ATXN7: variants seen among roughly 807,000 people sequenced by gnomAD.
ATXN7 encodes ataxin 7.
ATXN7 carries 12 observed loss-of-function variants against 70.5 expected under a neutral mutation model. The ratio of observed to expected loss-of-function variants is 0.17; its 90% CI spans 0.11 to 0.28. The LOEUF is 0.28. Ranked by LOEUF, ATXN7 falls within the 10% of genes least tolerant of loss-of-function variation. The pLI is 1.00. For missense variants in ATXN7, 1,256 were observed against 1,131.7 expected (o/e 1.11, Z -1.58); for synonymous variants, 498 against 448.7 (o/e 1.11, Z -1.39).
chr3:63,880,833 A>G (rs1702885553), intron 1 of ATXN7, among the ~76,000 whole-genome samples: 1 of 152,202 alleles, frequency 6.6e-6, no homozygotes, highest in South Asian at 2.1e-4. Flanking sequence ...TAAAGGTTTT[A>G]TGGCTTTCTT....
intron 12 of ATXN7, chr3:63,997,616 A>T (rs964645767): frequency 1.9e-6 from 3 of 1,550,810 alleles, no homozygotes; most frequent in Middle Eastern, 1.7e-4. Flanking sequence ...TATTTTATTC[A>T]TCAGGATATC....
At chr3:63,934,166 A>C (rs972610363) in intron 4 of ATXN7, among the ~76,000 whole-genome samples, 9 of 152,148 alleles carry the variant, frequency 5.9e-5, no homozygotes, top group Non-Finnish European at 1.3e-4. Context: ...GGAAGTCTGA[A>C]ACCACCCCCT....
In ATXN7 at chr3:63,935,875, G is replaced by C. The variant is rs189838523; in HGVS notation, c.395-16504G>C. On this transcript the variant is annotated intron_variant, in intron 4 of 12. Transcript: ENST00000674280. ...AGTATACAGCACAAACTAATGTCCA[G>C]ATGCTGGGGATAAACAGATATGTCG... Among the ~76,000 whole-genome samples the C allele has an allele frequency of 1.6e-3, 237 of 152,228 alleles. 3 individuals carry two copies. Among genetic ancestry groups the C allele is most frequent in the African/African-American group, 5.5e-3 (230 of 41,528 alleles).
chr3:63,868,642 G>C (rs1009292350), intron 1 of ATXN7, among the ~76,000 whole-genome samples: 5 of 151,988 alleles, frequency 3.3e-5, no homozygotes, highest in Admixed American at 6.6e-5. Context: ...TGGTTTATTT[G>C]GCAGAGGGGA....
At chr3:63,983,879 C>T (rs994312350) in intron 8 of ATXN7, among the ~76,000 whole-genome samples, 1 of 152,116 alleles carries the variant, frequency 6.6e-6, no homozygotes, top group Admixed American at 6.5e-5. Context: ...AAGAAGCATT[C>T]AGAGTCACTG....
At chr3:63,919,750 C>T (rs1225136730) in intron 4 of ATXN7, among the ~76,000 whole-genome samples, 2 of 101,490 alleles carry the variant, frequency 2.0e-5, no homozygotes, top group Middle Eastern at 0.014. Context: ...TCCCTCCCCC[C>T]TCCCCCCACC....
chr3:63,987,886 G>C (rs1443508319), intron 8 of ATXN7, among the ~76,000 whole-genome samples, 173 bp from the exon 9 acceptor site: 3 of 152,046 alleles, frequency 2.0e-5, no homozygotes, highest in Admixed American at 2.0e-4. Context: ...TTCTAGTCTA[G>C]CTAGGGAGAA....
At chr3:63,943,770 G>T (rs981079883) in intron 4 of ATXN7, among the ~76,000 whole-genome samples, 2 of 152,138 alleles carry the variant, frequency 1.3e-5, no homozygotes, top group African/African-American at 4.8e-5. Context: ...TCCTTCCTCT[G>T]CCTCAGCCTC....
Position 63,983,018 on chromosome 3 carries a change from C to G in ATXN7, c.1092C>G (p.Cys364Trp). The G allele has an allele frequency of 1.9e-6, 3 of 1,613,408 alleles. No homozygotes were observed. Among genetic ancestry groups the G allele is most frequent in the Non-Finnish European group, 2.5e-6 (3 of 1,179,472 alleles). Residue 364 changes from cysteine to tryptophan, a missense_variant, in exon 8 of 13, where the codon TGC (cysteine) becomes TGG (tryptophan). Cys to Trp is a radical substitution (Grantham distance 215). Transcript: ENST00000674280. Reference protein sequence around the residue: ...TKKPCTRSLTCKTHSLTQRRA... With the variant: ...TKKPCTRSLTWKTHSLTQRRA... ...AGCCCTGCACCCGGTCTTTGACATG[C>G]AAGGTAGGTGGACTCCTGAAAGTCA...
chr3:63,949,615 C>G (rs72883989), intron 4 of ATXN7, among the ~76,000 whole-genome samples: 3,797 of 152,218 alleles, frequency 0.025, 159 homozygotes, highest in African/African-American at 0.084. Flanking sequence ...CCATGCTGGT[C>G]TCGAACTCCT....
At chr3:63,939,959 G>T (rs1487132831) in intron 4 of ATXN7, among the ~76,000 whole-genome samples, 1 of 151,786 alleles carries the variant, frequency 6.6e-6, no homozygotes, top group African/African-American at 2.4e-5. Context: ...CTATTCCTAG[G>T]GTGTTAAAAA....
intron 4 of ATXN7, among the ~76,000 whole-genome samples, chr3:63,926,574 T>C (rs867738622): frequency 2.0e-5 from 3 of 151,972 alleles, no homozygotes; most frequent in African/African-American, 2.4e-5. Flanking sequence ...TATGAGTGAG[T>C]TGGGCAGGCA....
chr3:63,938,403 G>A (rs1254643466), intron 4 of ATXN7, among the ~76,000 whole-genome samples: 1 of 152,188 alleles, frequency 6.6e-6, no homozygotes, highest in East Asian at 1.9e-4. Context: ...AAAAGCCTTT[G>A]TAATATTAAG....
rs762305026 is a variant in ATXN7, at chr3:63,996,081, C to T, written c.2259C>T (p.Ser753=). Residue 753 remains serine, a synonymous_variant, in exon 12 of 13, where the codon TCC becomes TCT. Coordinates refer to ENST00000674280, the MANE Select transcript of ATXN7 (RefSeq NM_001377405.1). ...GPPYPSTVTS[S]HSIGLNCVTN... ...CCTACCCCTCAACGGTAACATCTTC[C>T]CATAGCATCGGCCTCAACTGTGTGA... The T allele has an allele frequency of 6.2e-7, 1 of 1,614,210 alleles. No individual in the cohort carries two copies. Among genetic ancestry groups the T allele is most frequent in the Non-Finnish European group, 8.5e-7 (1 of 1,180,040 alleles).
chr3:63,914,834 T>C (rs2107303290), intron 4 of ATXN7, among the ~76,000 whole-genome samples: 1 of 152,356 alleles, frequency 6.6e-6, no homozygotes, highest in South Asian at 2.1e-4. Context: ...TCTGTTGGGA[T>C]ACTTTTATCA....
upstream of ATXN7, chr3:63,863,818 G>A (rs1251857632): frequency 5.9e-6 from 7 of 1,178,220 alleles, no homozygotes; most frequent in Non-Finnish European, 7.4e-6. Flanking sequence ...CGGCGGCGGC[G>A]GCGGCGCAAG....
chr3:63,949,093 G>C (rs1430603969), intron 4 of ATXN7, among the ~76,000 whole-genome samples: 2 of 152,036 alleles, frequency 1.3e-5, no homozygotes, highest in Non-Finnish European at 2.9e-5. Context: ...TTAATTTGCA[G>C]ACGGGTTGAT....
At chr3:63,880,537 C>T (rs1702879100) in intron 1 of ATXN7, among the ~76,000 whole-genome samples, 1 of 152,176 alleles carries the variant, frequency 6.6e-6, no homozygotes. Flanking sequence ...GTCCTCTGAT[C>T]TGGCCCTGCC....
intron 4 of ATXN7, among the ~76,000 whole-genome samples, chr3:63,917,873 G>A (rs1426245276): frequency 6.6e-6 from 1 of 152,226 alleles, no homozygotes; most frequent in East Asian, 1.9e-4. Context: ...AAAGAAGACA[G>A]TATTCTGTGT....
Sources: allele counts gnomAD v4.1 joint callset (sites outside exome capture counted in the v4.1 genomes callset), GRCh38; gene constraint gnomAD v4.1.1; transcripts MANE v1.5; gene names NCBI Gene and HGNC (gene_info 2026-07-23, HGNC 2026-07-21).